The following CREB5 variants were observed in gnomAD, a reference collection of about 807,000 sequenced individuals.
CREB5 encodes the protein cAMP responsive element binding protein 5.
In CREB5, 19 loss-of-function variants were observed where a neutral mutation model predicts 57.1. The observed-to-expected ratio is 0.33, with a 90% CI of 0.23 to 0.49. The LOEUF (loss-of-function observed/expected upper bound fraction) is 0.49. Among genes scored for constraint, CREB5 ranks in the 20% least tolerant of loss-of-function variants. The probability of loss-of-function intolerance (pLI) is 0.99; values close to 1 mark genes in which losing one functional copy is unlikely to be tolerated. For synonymous variants in CREB5, 238 were observed against 238.3 expected (o/e 1.00, Z 0.01); for missense variants, 579 against 671.6 (o/e 0.86, Z 1.52).
chr7:28,754,134 T>C (rs777498867), intron 7 of CREB5, among the ~76,000 whole-genome samples: 1 of 152,184 alleles, frequency 6.6e-6, no homozygotes, highest in Non-Finnish European at 1.5e-5. Context: ...GCATGAATAG[T>C]AGCATTGTGG....
At chr7:28,622,003 T>A (rs959727313) in intron 5 of CREB5, among the ~76,000 whole-genome samples, 2 of 152,160 alleles carry the variant, frequency 1.3e-5, no homozygotes, top group African/African-American at 4.8e-5. Flanking sequence ...AAGTCTCAGG[T>A]GGATTCTACT....
intron 5 of CREB5, among the ~76,000 whole-genome samples, chr7:28,673,613 T>C (rs1800157011): frequency 6.7e-6 from 1 of 149,626 alleles, no homozygotes; most frequent in African/African-American, 2.4e-5. Flanking sequence ...AAAGTGGTAA[T>C]GAATAAAGCA....
intron 7 of CREB5, among the ~76,000 whole-genome samples, chr7:28,798,702 C>T (rs780191384): frequency 1.3e-5 from 2 of 152,204 alleles, no homozygotes; most frequent in Admixed American, 6.5e-5. Context: ...TCAGGCTTCT[C>T]GCCGCCTCCC....
chr7:28,522,730 C>A (rs1294971322), intron 4 of CREB5, among the ~76,000 whole-genome samples: 1 of 152,178 alleles, frequency 6.6e-6, no homozygotes, highest in Non-Finnish European at 1.5e-5. Context: ...CTTCGTAAGG[C>A]TTCTGTTGAG....
chr7:28,406,670 G>A (rs1204183194), intron 1 of CREB5, among the ~76,000 whole-genome samples: 1 of 152,238 alleles, frequency 6.6e-6, no homozygotes, highest in Non-Finnish European at 1.5e-5. Flanking sequence ...ACCGCCAGTG[G>A]AGGCACCCTT....
At chr7:28,592,116 A>G (rs973433687) in intron 5 of CREB5, among the ~76,000 whole-genome samples, 1 of 152,222 alleles carries the variant, frequency 6.6e-6, no homozygotes, top group African/African-American at 2.4e-5. Flanking sequence ...TCTGAACCCA[A>G]TTAAAGTTAT....
At chr7:28,316,525 T>G (rs1289212810) in intron 1 of CREB5, among the ~76,000 whole-genome samples, 1 of 150,678 alleles carries the variant, frequency 6.6e-6, no homozygotes, top group Non-Finnish European at 1.5e-5. Flanking sequence ...TTGTTAGGAG[T>G]CAGTGAATGC....
At chr7:28,469,485 G>C (rs994454610) in intron 1 of CREB5, among the ~76,000 whole-genome samples, 3 of 152,102 alleles carry the variant, frequency 2.0e-5, no homozygotes, top group African/African-American at 7.2e-5. Flanking sequence ...TTAGGACCTT[G>C]ATTTTATTTT....
intron 1 of CREB5, among the ~76,000 whole-genome samples, chr7:28,366,476 A>G (rs1297478687): frequency 6.6e-6 from 1 of 152,150 alleles, no homozygotes; most frequent in Admixed American, 6.6e-5. Flanking sequence ...TTCAGCATTA[A>G]TCCTCTCCAT....
At chr7:28,479,333 C>T (rs1791226940) in intron 1 of CREB5, among the ~76,000 whole-genome samples, 1 of 152,146 alleles carries the variant, frequency 6.6e-6, no homozygotes, top group African/African-American at 2.4e-5. Context: ...CCAGGGTGAC[C>T]CCCTTCTAAT....
intron 4 of CREB5, among the ~76,000 whole-genome samples, chr7:28,524,737 TGATA>T (rs1441179649): frequency 6.6e-6 from 1 of 152,210 alleles, no homozygotes; most frequent in East Asian, 1.9e-4. Flanking sequence ...CACACTTATG[TGATA>T]GATGTGTTAT....
chr7:28,814,380 C>A (rs1809299047), intron 9 of CREB5, among the ~76,000 whole-genome samples: 1 of 152,036 alleles, frequency 6.6e-6, no homozygotes, highest in East Asian at 1.9e-4. Flanking sequence ...ATGAAGGCTC[C>A]GTAGATGCTC....
rs142910889 is a variant in CREB5, at chr7:28,603,888, G to A, written c.464+33351G>A. Among the ~76,000 whole-genome samples the A allele has an allele frequency of 1.2e-4, 18 of 152,292 alleles. No homozygotes were observed. The East Asian group carries it at 3.5e-3, about 29-fold the overall frequency. On this transcript the variant is annotated intron_variant, in intron 5 of 10. Coordinates refer to ENST00000357727, the MANE Select transcript of CREB5 (RefSeq NM_182898.4). ...AACCATTGCTGATGTGAGGAGAAAT[G>A]TGTCCTCAAGGGATCTGTGGCTGAG... is the stretch of plus-strand genomic sequence containing the variant.
chr7:28,523,019 C>T (rs1793277784), intron 4 of CREB5, among the ~76,000 whole-genome samples: 2 of 152,162 alleles, frequency 1.3e-5, no homozygotes, highest in South Asian at 2.1e-4. Flanking sequence ...CAGACTGCCA[C>T]CATCCTAGAG....
chr7:28,659,528 C>T (rs1290910735), intron 5 of CREB5, among the ~76,000 whole-genome samples: 1 of 152,160 alleles, frequency 6.6e-6, no homozygotes, highest in African/African-American at 2.4e-5. Flanking sequence ...ATTGTTAATC[C>T]TCATGGTATC....
chr7:28,686,159 C>T, intron 5 of CREB5: 2 of 1,613,794 alleles, frequency 1.2e-6, no homozygotes, highest in South Asian at 1.1e-5. Flanking sequence ...TCATGTTCTG[C>T]ACCTCAGGAG....
intron 5 of CREB5, among the ~76,000 whole-genome samples, chr7:28,624,551 A>G (rs1024948164): frequency 7.9e-5 from 12 of 152,128 alleles, no homozygotes; most frequent in African/African-American, 2.2e-4. Flanking sequence ...AAGAGGGTCT[A>G]TCTGGCTCCT....
chr7:28,751,428 GAC>G (rs1804968410), intron 7 of CREB5, among the ~76,000 whole-genome samples: 1 of 152,224 alleles, frequency 6.6e-6, no homozygotes, highest in Non-Finnish European at 1.5e-5. Context: ...TTTCAGCAAA[GAC>G]AGGTTAAATT....
In CREB5 at chr7:28,357,925, GT is replaced by G. The variant is rs576999491; in HGVS notation, c.-25+58485del. Among the ~76,000 whole-genome samples the G allele has an allele frequency of 2.5e-3, 379 of 152,244 alleles. 3 individuals carry two copies. The highest frequency in any genetic ancestry group is 8.7e-3 in the African/African-American group (362 of 41,538). ...GGGTGTTATGGGTGGTGTAAGGTGG[GT>G]GGGGGCAGAATTTAAACTCATATCA... On this transcript the variant is annotated intron_variant, in intron 1 of 9. Coordinates refer to the CREB5 transcript ENST00000396299.
Sources: allele counts gnomAD v4.1 joint callset (sites outside exome capture counted in the v4.1 genomes callset), GRCh38; gene constraint gnomAD v4.1.1; transcripts MANE v1.5; gene names NCBI Gene and HGNC (gene_info 2026-07-23, HGNC 2026-07-21).